The following FAM171B variants were observed in gnomAD, a reference collection of about 807,000 sequenced individuals.
FAM171B encodes protein FAM171B.
FAM171B carries 19 observed loss-of-function variants against 75.6 expected under a neutral mutation model. The observed-to-expected ratio is 0.25, with a 90% CI of 0.18 to 0.37. FAM171B has a LOEUF of 0.37. Among genes scored for constraint, FAM171B ranks in the 10% least tolerant of loss-of-function variants. FAM171B has a pLI of 1.00. For synonymous variants in FAM171B, 367 were observed against 361.7 expected (o/e 1.01, Z -0.17); for missense variants, 848 against 982.4 (o/e 0.86, Z 1.83).
intron 3 of FAM171B, among the ~76,000 whole-genome samples, chr2:186,744,828 G>T (rs975938463): frequency 1.4e-4 from 18 of 130,732 alleles, no homozygotes; most frequent in Admixed American, 1.1e-3. Flanking sequence ...TGCCTGACCA[G>T]CATTTTTTTT....
At chr2:186,698,386 T>G (rs977676212) in intron 1 of FAM171B, among the ~76,000 whole-genome samples, 11 of 152,196 alleles carry the variant, frequency 7.2e-5, no homozygotes, top group Non-Finnish European at 1.5e-5. Flanking sequence ...GTTAAATATA[T>G]AGAAAGTAAA....
chr2:186,757,915 A>G (rs1320753765), intron 6 of FAM171B, among the ~76,000 whole-genome samples: 1 of 152,170 alleles, frequency 6.6e-6, no homozygotes, highest in African/African-American at 2.4e-5. Flanking sequence ...CCTAGTTATA[A>G]TCAAACCAAT....
chr2:186,733,731 C>T (rs1449036589), intron 1 of FAM171B, among the ~76,000 whole-genome samples: 1 of 152,160 alleles, frequency 6.6e-6, no homozygotes. Context: ...GCAGGCAGCT[C>T]CAGGCACTGG....
intron 1 of FAM171B, among the ~76,000 whole-genome samples, chr2:186,696,873 C>A (rs1689589537): frequency 5.7e-5 from 1 of 17,542 alleles, no homozygotes. Flanking sequence ...TCTAATAAGC[C>A]TGTTTTTCCC....
At chr2:186,761,316 T>A in intron 7 of FAM171B, 80 bp downstream of exon 7, 1 of 1,520,912 alleles carries the variant, frequency 6.6e-7, no homozygotes, top group Middle Eastern at 2.2e-4. Context: ...AAAAGTTTAT[T>A]TGTAGAAATA....
rs761602457 is a variant in FAM171B, at chr2:186,747,173, G to C, written c.647G>C (p.Gly216Ala). ...PDNHHISNVT[G>A]YLTVLQQFLK... ...AACCATCATATTAGCAACGTTACTG[G>C]CTATCTTACAGTTCTACAACAGTTT... The change falls in exon 4 of 8, where the codon GGC becomes GCC. Residue 216 changes from glycine to alanine, a missense_variant. By Grantham distance (60) the Gly-to-Ala change is moderately conservative. Around this residue, in one of 3 missense-constraint regions of FAM171B, gnomAD observed 665 missense variants for 729.0 expected, o/e 0.91. Coordinates refer to ENST00000304698, the MANE Select transcript of FAM171B (RefSeq NM_177454.4). 1 of 1,607,834 alleles carries C rather than the reference G, an allele frequency of 6.2e-7. No individual in the cohort carries two copies. Among genetic ancestry groups the C allele is most frequent in the East Asian group, 2.2e-5 (1 of 44,484 alleles).
intron 1 of FAM171B, among the ~76,000 whole-genome samples, chr2:186,736,959 A>C (rs1690211570): frequency 6.6e-6 from 1 of 152,168 alleles, no homozygotes; most frequent in Admixed American, 6.5e-5. Flanking sequence ...ATTTTTGTGA[A>C]GTGCTCTCTT....
chr2:186,734,175 G>A (rs757357822), intron 1 of FAM171B, among the ~76,000 whole-genome samples: 7 of 152,132 alleles, frequency 4.6e-5, no homozygotes, highest in African/African-American at 9.7e-5. Context: ...ATGATACCCC[G>A]AAGTGGGTAG....
At position 186,762,624 on chromosome 2, in the gene FAM171B, G is replaced by A. The variant is rs1456708486; in HGVS notation, c.2282G>A (p.Arg761Lys). 1 of 1,613,338 alleles carries A rather than the reference G, an allele frequency of 6.2e-7. No homozygotes were observed. The highest frequency in any genetic ancestry group is 8.5e-7 in the Non-Finnish European group (1 of 1,179,664). Residue 761 changes from arginine (R) to lysine (K), a missense_variant, in exon 8 of 8, where the codon AGG (arginine) becomes AAG (lysine). This residue lies in a region of FAM171B where 136 missense variants were observed against 159.3 expected (regional missense o/e 0.85). Transcript: ENST00000304698. The surrounding 1 kb of genome is among the most constrained non-coding windows in gnomAD (Gnocchi z 4.0). ...TVCSPEDPAL[R>K]HILDGGSGVI... ...TGTTCCCCTGAGGACCCAGCTTTAA[G>A]GCACATCCTAGATGGAGGGAGTGGA...
intron 1 of FAM171B, among the ~76,000 whole-genome samples, chr2:186,705,801 C>T (rs866030613): frequency 5.7e-4 from 86 of 152,152 alleles, no homozygotes; most frequent in African/African-American, 1.8e-3. Flanking sequence ...TTGCTTAGAA[C>T]GCATGTATCT....
At chr2:186,743,116 T>G (rs975863797) in intron 2 of FAM171B, among the ~76,000 whole-genome samples, 4 of 152,090 alleles carry the variant, frequency 2.6e-5, no homozygotes, top group East Asian at 1.9e-4. Context: ...GAAAAAAAAT[T>G]TTTAAATCTT....
Position 186,694,141 on chromosome 2 carries a change from C to A in FAM171B, c.-33C>A. The A allele has an allele frequency of 6.6e-7, 1 of 1,511,452 alleles. No individual in the cohort carries two copies. Among genetic ancestry groups the A allele is most frequent in the South Asian group, 1.3e-5 (1 of 78,350 alleles). The allele number at this position is 1,511,452 out of a possible 1,614,324, so 93.6% of individuals were successfully genotyped here. A position where few individuals can be genotyped will look rare whatever the true frequency, so the allele number is the denominator to read the frequency against. ...GCGCCCGCCGCCGCCCGGAGCCCCG[C>A]AATATGCCGCCGCGGCCCTCTGGCT... On this transcript the variant is annotated 5_prime_UTR_variant, in exon 1 of 8. Coordinates refer to ENST00000304698, the MANE Select transcript of FAM171B (RefSeq NM_177454.4).
chr2:186,747,366 C>A, intron 4 of FAM171B, 116 bp downstream of exon 4: 1 of 521,972 alleles, frequency 1.9e-6, no homozygotes, highest in Non-Finnish European at 2.9e-6. Context: ...TAATACACAT[C>A]ATTTGAGACA....
intron 6 of FAM171B, 86 bp downstream of exon 6, chr2:186,754,135 A>C (rs139536114): frequency 1.1e-6 from 1 of 947,380 alleles, no homozygotes; most frequent in African/African-American, 1.7e-5. Context: ...TTTTATTCTA[A>C]GCACTGCCAC....
chr2:186,761,446 T>G, intron 7 of FAM171B, 33 bp from the exon 8 acceptor site: 1 of 1,526,746 alleles, frequency 6.5e-7, no homozygotes. Flanking sequence ...TGTCATAACT[T>G]TTAAATATTT....
intron 1 of FAM171B, among the ~76,000 whole-genome samples, chr2:186,728,550 C>T (rs940352556): frequency 1.3e-5 from 2 of 152,200 alleles, no homozygotes; most frequent in African/African-American, 4.8e-5. Context: ...TTGTGTTCTT[C>T]ATTTTTCCTA....
chr2:186,718,265 C>T (rs1038420789), intron 1 of FAM171B, among the ~76,000 whole-genome samples: 2 of 152,344 alleles, frequency 1.3e-5, no homozygotes, highest in South Asian at 2.1e-4. Context: ...TTGTCACACA[C>T]GGCTCAACCT....
intron 6 of FAM171B, 63 bp from the exon 7 acceptor site, chr2:186,761,050 G>A (rs1690606916): frequency 1.3e-6 from 2 of 1,535,224 alleles, no homozygotes. Context: ...CACCCAGGAT[G>A]TGACATAGTT....
intron 4 of FAM171B, among the ~76,000 whole-genome samples, 162 bp from the exon 5 acceptor site, chr2:186,750,972 A>G (rs1043479955): frequency 2.6e-5 from 4 of 152,168 alleles, no homozygotes; most frequent in African/African-American, 9.7e-5. Context: ...CAATATTTTA[A>G]AATTACATTT....
Sources: allele counts gnomAD v4.1 joint callset (sites outside exome capture counted in the v4.1 genomes callset), GRCh38; gene constraint gnomAD v4.1.1; regional missense constraint gnomAD v4.1.1; non-coding constraint Gnocchi (gnomAD v3.1); transcripts MANE v1.5; gene names NCBI Gene and HGNC (gene_info 2026-07-23, HGNC 2026-07-21).